Variants in NRDC observed in about 807,000 individuals in gnomAD.
The protein encoded by NRDC is nardilysin.
Under a neutral mutation model 147.1 loss-of-function variants are expected in NRDC, and 54 were observed. That is an observed-to-expected ratio of 0.37 (90% CI 0.29 to 0.46). The LOEUF is 0.46. Among genes scored for constraint, NRDC ranks in the 20% least tolerant of loss-of-function variants. The pLI is 1.00. For synonymous variants in NRDC, 440 were observed against 482.1 expected (o/e 0.91, Z 1.14); for missense variants, 1,082 against 1,370.6 (o/e 0.79, Z 3.33).
chr1:51,833,484 TAATTAATAA>T (rs1009872807), intron 4 of NRDC, among the ~76,000 whole-genome samples: 3 of 149,440 alleles, frequency 2.0e-5, no homozygotes, highest in African/African-American at 7.4e-5. Context: ...AGAGAATACA[TAATTAATAA>T]AATTAATAAA....
At position 51,819,845 on chromosome 1, in the gene NRDC, A is replaced by G. The variant is rs1347541832; in HGVS notation, c.1246T>C (p.Leu416=). The G allele has an allele frequency of 6.2e-7, 1 of 1,608,172 alleles. No individual in the cohort carries two copies. Among genetic ancestry groups the G allele is most frequent in the African/African-American group, 1.3e-5 (1 of 74,874 alleles). ...GCTGGTGTGTCAAATGGATCCGTTA[A>G]ATGGCCAAAGTTTGGTCTGGGTAAC... ...NGLPRPNFGH[L]TDPFDTPAFN... is the part of the protein sequence containing the mutation. Residue 416 remains leucine (L), a synonymous_variant, in exon 9 of 31, where the codon TTA becomes CTA. Transcript: ENST00000352171.
chr1:51,863,326 C>T (rs1322521225), intron 1 of NRDC, among the ~76,000 whole-genome samples: 3 of 151,750 alleles, frequency 2.0e-5, no homozygotes, highest in African/African-American at 4.8e-5. Flanking sequence ...CACTTGAACC[C>T]GGGAGGCAGA....
intron 1 of NRDC, among the ~76,000 whole-genome samples, chr1:51,846,662 C>T (rs1038061982): frequency 1.3e-5 from 2 of 152,186 alleles, no homozygotes; most frequent in African/African-American, 2.4e-5. Context: ...TGTTATAGCT[C>T]ATAAAGGTAG....
intron 1 of NRDC, among the ~76,000 whole-genome samples, chr1:51,845,525 G>A (rs1379609394): frequency 1.3e-5 from 2 of 152,138 alleles, no homozygotes; most frequent in Non-Finnish European, 2.9e-5. Context: ...CCCGGGAGGC[G>A]GAGGTTGCAG....
intron 1 of NRDC, among the ~76,000 whole-genome samples, chr1:51,848,803 A>T (rs1457503010): frequency 6.6e-6 from 1 of 152,206 alleles, no homozygotes; most frequent in Non-Finnish European, 1.5e-5. Context: ...TCTTCACAAT[A>T]ATCCTGATGA....
At chr1:51,793,702 C>T (rs1678756366) in intron 24 of NRDC, among the ~76,000 whole-genome samples, 1 of 152,170 alleles carries the variant, frequency 6.6e-6, no homozygotes, top group Admixed American at 6.5e-5. Flanking sequence ...GGGATCTTCA[C>T]AAGACCTGAC....
At chr1:51,867,490 C>G (rs1382342851) in intron 1 of NRDC, among the ~76,000 whole-genome samples, 1 of 151,996 alleles carries the variant, frequency 6.6e-6, no homozygotes, top group African/African-American at 2.4e-5. Context: ...TGAGACCGGA[C>G]AACATACAGA....
intron 4 of NRDC, among the ~76,000 whole-genome samples, chr1:51,830,557 GT>G (rs1300557196): frequency 6.6e-6 from 1 of 152,170 alleles, no homozygotes; most frequent in African/African-American, 2.4e-5. Flanking sequence ...AAGACTTGGG[GT>G]TCCCCAGAAT....
chr1:51,833,822 C>T (rs1680825240), intron 4 of NRDC, among the ~76,000 whole-genome samples, 195 bp downstream of exon 4: 1 of 152,038 alleles, frequency 6.6e-6, no homozygotes, highest in Admixed American at 6.6e-5. Flanking sequence ...ACTATTTTGC[C>T]CAAGCTGGTC....
chr1:51,828,519 T>C (rs138506169), intron 4 of NRDC, among the ~76,000 whole-genome samples: 12 of 152,286 alleles, frequency 7.9e-5, no homozygotes, highest in African/African-American at 2.9e-4. Flanking sequence ...GTTAATCTTA[T>C]AATTTCATCT....
At chr1:51,803,213 G>C (rs954936538) in intron 20 of NRDC, among the ~76,000 whole-genome samples, 1 of 152,104 alleles carries the variant, frequency 6.6e-6, no homozygotes, top group African/African-American at 2.4e-5. Flanking sequence ...GGTGGCTCAC[G>C]CCTATAATCC....
rs1375190443 is a variant in NRDC at position 51,789,297 on chromosome 1, G to C, written c.3395C>G (p.Thr1132Ser). The change falls in exon 31 of 31, where the codon ACT (threonine) becomes AGT (serine). Residue 1132 changes from threonine (T) to serine (S), a missense_variant. Coordinates refer to ENST00000352171, the MANE Select transcript of NRDC (RefSeq NM_001101662.2). ...PLLADCIIPI[T>S]DIRAFTTTLN... ...TGTTGTTGTGAAAGCCCTGATATCA[G>C]TAATGGGGATGATACAATCTGCCAG... 2 of 1,614,170 alleles carry C rather than the reference G, an allele frequency of 1.2e-6. No individual in the cohort carries two copies. Among genetic ancestry groups the C allele is most frequent in the South Asian group, 2.2e-5 (2 of 91,084 alleles).
intron 1 of NRDC, among the ~76,000 whole-genome samples, chr1:51,844,236 C>T (rs1681419014): frequency 1.3e-5 from 2 of 152,030 alleles, no homozygotes; most frequent in Admixed American, 1.3e-4. Flanking sequence ...AAATGTGTTC[C>T]CCCCAAAATC....
intron 4 of NRDC, 43 bp from the exon 5 acceptor site, chr1:51,827,912 T>G (rs755110052): frequency 7.5e-6 from 11 of 1,458,964 alleles, no homozygotes; most frequent in South Asian, 6.9e-5. Flanking sequence ...TTGTTCACTT[T>G]CATCAATCAA....
chr1:51,869,398 G>A (rs1351300568), intron 1 of NRDC, among the ~76,000 whole-genome samples: 1 of 152,050 alleles, frequency 6.6e-6, no homozygotes, highest in Admixed American at 6.6e-5. Context: ...CCAGAGAAAT[G>A]AGCTTGCTGA....
At chr1:51,857,325 T>C (rs1174004319) in intron 1 of NRDC, among the ~76,000 whole-genome samples, 2 of 152,248 alleles carry the variant, frequency 1.3e-5, no homozygotes, top group Non-Finnish European at 2.9e-5. Flanking sequence ...ACCTCATCTC[T>C]GTTTTCTGTA....
chr1:51,813,760 T>C (rs991912154), intron 14 of NRDC, among the ~76,000 whole-genome samples: 2 of 152,234 alleles, frequency 1.3e-5, no homozygotes, highest in Non-Finnish European at 2.9e-5. Context: ...TGAATGTTTA[T>C]TGAAGGGATA....
intron 17 of NRDC, among the ~76,000 whole-genome samples, chr1:51,807,534 A>G (rs1374211516): frequency 6.6e-6 from 1 of 152,052 alleles, no homozygotes; most frequent in Non-Finnish European, 1.5e-5. Context: ...TAGAGAGACC[A>G]CATCTCTAGA....
chr1:51,867,189 CA>C lies in NRDC; in HGVS notation c.341+11085del, dbSNP rs71578086. Among the ~76,000 whole-genome samples, 23 of 147,302 alleles carry C rather than the reference CA, an allele frequency of 1.6e-4. 1 individual carries two copies. In the East Asian group the frequency reaches 3.9e-3, roughly 25 times the overall value. On this transcript the variant is annotated intron_variant, in intron 1 of 30. Transcript: ENST00000352171. The stretch of plus-strand genomic sequence containing the variant: ...GACAAAAAGCAAGAAATAAAGTAAC[CA>C]AAAAAAAAGACTGAAAAGTATATCC...
Sources: gnomAD v4.1 joint callset for allele counts (sites outside exome capture counted in the v4.1 genomes callset) on GRCh38, gnomAD v4.1.1 for gene constraint, MANE v1.5 for transcripts, NCBI Gene and HGNC (gene_info 2026-07-23, HGNC 2026-07-21) for gene names.